The following GTF2A1L variants were observed in gnomAD, a reference collection of about 807,000 sequenced individuals.
GTF2A1L encodes general transcription factor IIA subunit 1 like, also known as TFIIA-alpha and beta-like factor.
In GTF2A1L, 48 loss-of-function variants were observed where a neutral mutation model predicts 49.7. The ratio of observed to expected loss-of-function variants is 0.97; its 90% CI spans 0.77 to 1.23. GTF2A1L has a LOEUF of 1.23. GTF2A1L is among the 50% of genes most tolerant of loss of function. The pLI, the probability that GTF2A1L is intolerant of heterozygous loss-of-function variation, is 0.00. For missense variants in GTF2A1L, 736 were observed against 564.8 expected, an observed-to-expected ratio of 1.30 and a Z score of -3.07; for synonymous variants, 246 against 193.5, an observed-to-expected ratio of 1.27 and a Z score of -2.25.
At chr2:48,678,499 A>G (rs1679592228) in intron 8 of GTF2A1L, among the ~76,000 whole-genome samples, 1 of 152,190 alleles carries the variant, frequency 6.6e-6, no homozygotes, top group African/African-American at 2.4e-5. Context: ...GTAGTCAACA[A>G]CTAGGTTTAA....
chr2:48,651,562 T>G (rs1000760608), intron 6 of GTF2A1L, among the ~76,000 whole-genome samples: 6 of 152,126 alleles, frequency 3.9e-5, no homozygotes, highest in African/African-American at 1.4e-4. Context: ...TTTTGCTGCT[T>G]TAGTAAAGAA....
At chr2:48,673,556 G>T (rs1343147064) in intron 8 of GTF2A1L, among the ~76,000 whole-genome samples, 7 of 151,834 alleles carry the variant, frequency 4.6e-5, no homozygotes, top group Admixed American at 3.3e-4. Flanking sequence ...TAGAGATGGG[G>T]TTTCACCGTG....
intron 8 of GTF2A1L, among the ~76,000 whole-genome samples, chr2:48,678,910 A>C (rs1524151): frequency 0.98 from 148,291 of 152,090 alleles, 72,309 homozygotes; most frequent in East Asian, 1. Flanking sequence ...GCTCCTGAGT[A>C]AATATCTGCC....
intron 3 of GTF2A1L, among the ~76,000 whole-genome samples, chr2:48,638,341 A>T (rs1451140937): frequency 1.3e-5 from 2 of 152,222 alleles, no homozygotes; most frequent in East Asian, 3.9e-4. Flanking sequence ...AATACTTGTA[A>T]ACCGAATTTA....
intron 6 of GTF2A1L, among the ~76,000 whole-genome samples, chr2:48,657,367 G>C (rs77948705): frequency 2.0e-5 from 3 of 152,078 alleles, no homozygotes; most frequent in East Asian, 3.8e-4. Context: ...ATGGTTTTCT[G>C]TTCCTGTGTT....
At chr2:48,655,482 C>T (rs914067649) in intron 6 of GTF2A1L, among the ~76,000 whole-genome samples, 5 of 151,976 alleles carry the variant, frequency 3.3e-5, no homozygotes, top group African/African-American at 1.2e-4. Flanking sequence ...TATGAGCCAC[C>T]ATGCCCAGCC....
chr2:48,623,061 A>G (rs1676097043), intron 3 of GTF2A1L, among the ~76,000 whole-genome samples: 1 of 152,166 alleles, frequency 6.6e-6, no homozygotes, highest in Admixed American at 6.5e-5. Flanking sequence ...TCTCTTCTAC[A>G]TCATTTATAA....
intron 8 of GTF2A1L, among the ~76,000 whole-genome samples, chr2:48,674,012 G>T (rs559090357): frequency 3.9e-5 from 6 of 152,142 alleles, no homozygotes; most frequent in Admixed American, 3.9e-4. Context: ...AACACATATG[G>T]GGTAATGTGT....
At chr2:48,625,692 C>T (rs1003922300) in intron 3 of GTF2A1L, among the ~76,000 whole-genome samples, 2 of 142,934 alleles carry the variant, frequency 1.4e-5, no homozygotes, top group East Asian at 3.9e-4. Flanking sequence ...AATTGATCCT[C>T]TCACCTCGAC....
At chr2:48,661,900 G>A (rs1038321944) in intron 6 of GTF2A1L, among the ~76,000 whole-genome samples, 1 of 152,080 alleles carries the variant, frequency 6.6e-6, no homozygotes, top group African/African-American at 2.4e-5. Context: ...TGCGTTTAGA[G>A]TAATTACTGA....
At chr2:48,638,084 A>G (rs192235617) in intron 3 of GTF2A1L, among the ~76,000 whole-genome samples, 1 of 152,322 alleles carries the variant, frequency 6.6e-6, no homozygotes, top group African/African-American at 2.4e-5. Flanking sequence ...TGAATCAGTA[A>G]TAAATAGCCT....
intron 6 of GTF2A1L, among the ~76,000 whole-genome samples, chr2:48,663,040 G>C (rs1678608556): frequency 6.6e-6 from 1 of 151,964 alleles, no homozygotes; most frequent in African/African-American, 2.4e-5. Flanking sequence ...TAACAAACCT[G>C]TACATATACC....
At chr2:48,652,572 C>G (rs903370392) in intron 6 of GTF2A1L, among the ~76,000 whole-genome samples, 1 of 151,122 alleles carries the variant, frequency 6.6e-6, no homozygotes, top group Non-Finnish European at 1.5e-5. Context: ...CCAAGATCGT[C>G]CCACTGCACT....
intron 3 of GTF2A1L, among the ~76,000 whole-genome samples, chr2:48,627,927 C>G (rs1457639631): frequency 1.4e-5 from 2 of 143,542 alleles, no homozygotes; most frequent in Non-Finnish European, 3.1e-5. Context: ...ATCTTTATGT[C>G]CATGGGTACT....
chr2:48,663,193 G>A (rs1402004345), intron 6 of GTF2A1L, among the ~76,000 whole-genome samples: 1 of 152,148 alleles, frequency 6.6e-6, no homozygotes, highest in Non-Finnish European at 1.5e-5. Context: ...CAGTACTTTG[G>A]GAGGCTGAGG....
In GTF2A1L at chr2:48,673,831, C is replaced by T. The variant is rs1021958138; in HGVS notation, c.1329+2151C>T. On this transcript the variant is annotated intron_variant, in intron 8 of 8. Transcript: ENST00000403751. Reference sequence around the variant, plus strand: ...GTCTCTGTGTCTTCAGAGATAAGGACACTTATTTTCCTTTGTGTATAGGGT... The same window carrying T: ...GTCTCTGTGTCTTCAGAGATAAGGATACTTATTTTCCTTTGTGTATAGGGT... Among the ~76,000 whole-genome samples, 5 of 152,142 alleles carry T rather than the reference C, an allele frequency of 3.3e-5. No individual in the cohort carries two copies. In the South Asian group the frequency reaches 8.3e-4, roughly 25 times the overall value.
chr2:48,674,435 A>G (rs1679350811), intron 8 of GTF2A1L, among the ~76,000 whole-genome samples: 1 of 152,108 alleles, frequency 6.6e-6, no homozygotes. Context: ...AATGTTTTGA[A>G]TTGCTGTAAA....
chr2:48,651,237 CCT>C (rs1440344338), intron 6 of GTF2A1L, among the ~76,000 whole-genome samples: 1 of 152,094 alleles, frequency 6.6e-6, no homozygotes, highest in Non-Finnish European at 1.5e-5. Flanking sequence ...GGAAGCATTT[CCT>C]CTGTCAGATG....
At chr2:48,676,464 G>C (rs1679474283) in intron 8 of GTF2A1L, among the ~76,000 whole-genome samples, 1 of 151,636 alleles carries the variant, frequency 6.6e-6, no homozygotes, top group East Asian at 1.9e-4. Flanking sequence ...GTGATACCTT[G>C]TTGGAATTTT....
Sources: gnomAD v4.1 joint callset for allele counts (sites outside exome capture counted in the v4.1 genomes callset) on GRCh38, gnomAD v4.1.1 for gene constraint, MANE v1.5 for transcripts, NCBI Gene and HGNC (gene_info 2026-07-23, HGNC 2026-07-21) for gene names.